The following CYP19A1 variants were observed in gnomAD, a reference collection of about 807,000 sequenced individuals.
CYP19A1 encodes aromatase.
A neutral mutation model predicts 44.4 loss-of-function variants in CYP19A1; 32 were observed. The observed-to-expected ratio is 0.72, with a 90% CI of 0.54 to 0.97. The LOEUF (loss-of-function observed/expected upper bound fraction) is 0.97, where lower values mean the gene tolerates loss of function less well. Ranked by LOEUF, CYP19A1 falls within the 50% of genes least tolerant of loss-of-function variation. CYP19A1 has a pLI of 0.00. For missense variants in CYP19A1, 598 were observed against 637.8 expected, an observed-to-expected ratio of 0.94 and a Z score of 0.67; for synonymous variants, 212 against 215.6, an observed-to-expected ratio of 0.98 and a Z score of 0.14.
At chr15:51,302,875 G>T (rs187083212) in intron 1 of CYP19A1, among the ~76,000 whole-genome samples, 1 of 152,346 alleles carries the variant, frequency 6.6e-6, no homozygotes. Flanking sequence ...TCAAAGGCAG[G>T]ATCCATGTCT....
chr15:51,334,621 T>C (rs931029895), intron 1 of CYP19A1, among the ~76,000 whole-genome samples: 3 of 152,238 alleles, frequency 2.0e-5, no homozygotes, highest in African/African-American at 7.2e-5. Flanking sequence ...CAATCACTTT[T>C]TCATTTATTG....
At chr15:51,278,644 T>A (rs562953973) in intron 1 of CYP19A1, among the ~76,000 whole-genome samples, 1 of 152,314 alleles carries the variant, frequency 6.6e-6, no homozygotes, top group African/African-American at 2.4e-5. Flanking sequence ...GCCAGATGTT[T>A]TATGTGTGAA....
At chr15:51,317,549 C>T (rs1166506336) in intron 1 of CYP19A1, among the ~76,000 whole-genome samples, 2 of 152,196 alleles carry the variant, frequency 1.3e-5, no homozygotes, top group Admixed American at 6.5e-5. Flanking sequence ...GGTATATGGG[C>T]TTTAGATACA....
At chr15:51,305,536 A>T (rs2036198825) in intron 1 of CYP19A1, among the ~76,000 whole-genome samples, 1 of 152,016 alleles carries the variant, frequency 6.6e-6, no homozygotes, top group Non-Finnish European at 1.5e-5. Context: ...AGCTGGTACC[A>T]TGAGATAATA....
intron 1 of CYP19A1, among the ~76,000 whole-genome samples, chr15:51,289,771 A>G (rs2035800607): frequency 6.6e-6 from 1 of 152,144 alleles, no homozygotes; most frequent in African/African-American, 2.4e-5. Context: ...CGTGAAGGGA[A>G]TTTTTAATAT....
At chr15:51,253,502 G>A (rs1321213577) in intron 1 of CYP19A1, among the ~76,000 whole-genome samples, 2 of 152,082 alleles carry the variant, frequency 1.3e-5, no homozygotes, top group African/African-American at 2.4e-5. Context: ...TGAGAGCCAC[G>A]AGGTCACTGA....
intron 1 of CYP19A1, among the ~76,000 whole-genome samples, chr15:51,290,867 C>T (rs1449950956): frequency 6.6e-6 from 1 of 152,180 alleles, no homozygotes; most frequent in Non-Finnish European, 1.5e-5. Context: ...TTGGCTGGGG[C>T]CCAGTCATTG....
chr15:51,258,315 C>T (rs989588554), intron 1 of CYP19A1, among the ~76,000 whole-genome samples: 2 of 152,224 alleles, frequency 1.3e-5, no homozygotes, highest in African/African-American at 4.8e-5. Flanking sequence ...GCCCACAGCA[C>T]TTGTTGTTCT....
At chr15:51,215,344 C>A in intron 7 of CYP19A1, 112 bp from the exon 8 acceptor site, 1 of 1,494,292 alleles carries the variant, frequency 6.7e-7, no homozygotes, top group Non-Finnish European at 9.2e-7. Flanking sequence ...TCATAGAAAC[C>A]ACATGTCTCT....
intron 1 of CYP19A1, among the ~76,000 whole-genome samples, chr15:51,332,913 G>T: frequency 6.6e-6 from 1 of 152,104 alleles, no homozygotes; most frequent in Non-Finnish European, 1.5e-5. Flanking sequence ...TTAGACTTCT[G>T]GAATTTCTCA....
chr15:51,246,299 T>TG (rs1306194228), intron 1 of CYP19A1, among the ~76,000 whole-genome samples: 2 of 152,084 alleles, frequency 1.3e-5, no homozygotes, highest in Non-Finnish European at 2.9e-5. Flanking sequence ...GGCCCTCAGG[T>TG]GCTATGCATT....
At chr15:51,215,294 G>T in intron 7 of CYP19A1, 62 bp from the exon 8 acceptor site, 1 of 1,609,656 alleles carries the variant, frequency 6.2e-7, no homozygotes, top group South Asian at 1.1e-5. Context: ...AAAATGAGGG[G>T]AGGTGACACT....
intron 1 of CYP19A1, among the ~76,000 whole-genome samples, chr15:51,294,250 T>C (rs1353498199): frequency 2.0e-5 from 2 of 99,558 alleles, no homozygotes; most frequent in African/African-American, 6.6e-5. Flanking sequence ...CCGGCCACCA[T>C]CCCATCTAGG....
At chr15:51,331,745 A>G (rs1030596766) in intron 1 of CYP19A1, among the ~76,000 whole-genome samples, 2 of 152,174 alleles carry the variant, frequency 1.3e-5, no homozygotes, top group African/African-American at 4.8e-5. Context: ...GCAAATTATT[A>G]TCATTACATA....
At chr15:51,232,946 A>G (rs1595697983) in intron 3 of CYP19A1, among the ~76,000 whole-genome samples, 1 of 152,238 alleles carries the variant, frequency 6.6e-6, no homozygotes, top group East Asian at 1.9e-4. Flanking sequence ...AATGGCCTGC[A>G]AGGCCTGACG....
At chr15:51,332,236 A>G (rs894578886) in intron 1 of CYP19A1, among the ~76,000 whole-genome samples, 3 of 151,882 alleles carry the variant, frequency 2.0e-5, no homozygotes, top group Non-Finnish European at 1.5e-5. Flanking sequence ...CTGGTAGTCA[A>G]ACTCATTCTT....
chr15:51,223,589 TCTCTCACACA>T (rs1338226135), intron 4 of CYP19A1, among the ~76,000 whole-genome samples: 793 of 66,160 alleles, frequency 0.012, 12 homozygotes, highest in African/African-American at 0.039. Context: ...TCTCTCTCTC[TCTCTCACACA>T]CACACACACA....
intron 1 of CYP19A1, among the ~76,000 whole-genome samples, chr15:51,292,642 T>G (rs991746666): frequency 6.6e-6 from 1 of 152,192 alleles, no homozygotes; most frequent in African/African-American, 2.4e-5. Context: ...TTCCTTCACT[T>G]GCACGGGGGC....
At position 51,244,702 on chromosome 15, in the gene CYP19A1, G is replaced by A. The variant is rs528273046; in HGVS notation, c.-38-1752C>T. Among the ~76,000 whole-genome samples the A allele has an allele frequency of 2.6e-5, 4 of 152,226 alleles. No individual in the cohort carries two copies. The South Asian group carries it at 8.3e-4, about 32-fold the overall frequency. The stretch of plus-strand genomic sequence containing the variant: ...TGTTCAAAGCATAAATGAGGAAAGT[G>A]GTTGCAACAAAAAGGATGAAGATGT... On this transcript the variant is annotated intron_variant, in intron 1 of 9. Coordinates refer to ENST00000396402, the MANE Select transcript of CYP19A1 (RefSeq NM_000103.4).
Sources: gnomAD v4.1 joint callset for allele counts (sites outside exome capture counted in the v4.1 genomes callset) on GRCh38, gnomAD v4.1.1 for gene constraint, MANE v1.5 for transcripts, NCBI Gene and HGNC (gene_info 2026-07-23, HGNC 2026-07-21) for gene names.